Variants in AHNAK2 observed in about 807,000 individuals in gnomAD.
AHNAK2 encodes the protein protein AHNAK2.
AHNAK2 carries 18 observed loss-of-function variants against 30.7 expected under a neutral mutation model. The ratio of observed to expected loss-of-function variants is 0.59; its 90% CI spans 0.41 to 0.87. AHNAK2 has a LOEUF of 0.87. AHNAK2 is among the 40% of genes least tolerant of loss of function. AHNAK2 has a pLI of 0.00. For synonymous variants in AHNAK2, 3,590 were observed against 3,073.8 expected (o/e 1.17, Z -5.56); for missense variants, 8,604 against 7,373.0 (o/e 1.17, Z -6.11).
At position 104,952,741 on chromosome 14, in the gene AHNAK2, C is replaced by T; in HGVS notation, c.2710G>A (p.Gly904Ser). 1 of 1,612,782 alleles carries T rather than the reference C, an allele frequency of 6.2e-7. No homozygotes were observed. Among genetic ancestry groups the T allele is most frequent in the Non-Finnish European group, 8.5e-7 (1 of 1,179,648 alleles). ...AGQVDVKLPE[G>S]PVPEGAGPKV... The stretch of plus-strand genomic sequence containing the variant: ...GGGCCGGCTCCCTCGGGCACAGGGC[C>T]CTCCGGAAGTTTCACATCCACTTGG... Residue 904 changes from glycine (G) to serine (S), a missense_variant, in exon 7 of 7, where the codon GGC (glycine) becomes AGC (serine). Physicochemically the swap from Gly to Ser is moderately conservative, Grantham distance 56. Coordinates refer to ENST00000333244, the MANE Select transcript of AHNAK2 (RefSeq NM_138420.4).
chr14:104,959,584 C>T (rs1295214749), intron 1 of AHNAK2, among the ~76,000 whole-genome samples: 1 of 152,152 alleles, frequency 6.6e-6, no homozygotes, highest in Non-Finnish European at 1.5e-5. Context: ...CTGCAGTGAG[C>T]TGTGATTGCA....
chr14:104,955,580 G>A lies in AHNAK2; in HGVS notation c.369C>T (p.Ala123=). 1 of 1,613,688 alleles carries A rather than the reference G, an allele frequency of 6.2e-7. No individual in the cohort carries two copies. The highest frequency in any genetic ancestry group is 8.5e-7 in the Non-Finnish European group (1 of 1,179,816). Residue 123 remains alanine (A), a synonymous_variant, in exon 5 of 7, where the codon GCC becomes GCT. Transcript: ENST00000333244. The part of the protein sequence containing the change: ...VTLKTEVEAG[A]SGYSVTGGGD... Reference sequence around the variant, plus strand: ...CACCACCTGTGACACTGTAGCCACTGGCTCCTGCCTCCACCTCTGTCTTCA... The same window carrying A: ...CACCACCTGTGACACTGTAGCCACTAGCTCCTGCCTCCACCTCTGTCTTCA...
Position 104,953,224 on chromosome 14 carries a change from G to A in AHNAK2, c.2227C>T (p.Leu743Phe). The change falls in exon 7 of 7, where the codon CTT becomes TTT. Residue 743 changes from leucine (L) to phenylalanine (F), a missense_variant. By Grantham distance (22) the Leu-to-Phe change is conservative (BLOSUM62 0). Transcript: ENST00000333244. Reference sequence around the variant, plus strand: ...CCCTCGGGCAGGGGGCCCTCCGGAAGTTTCACATCCACTTGGCCATCCTGG... The same window carrying A: ...CCCTCGGGCAGGGGGCCCTCCGGAAATTTCACATCCACTTGGCCATCCTGG... ...EVQDGQVDVK[L>F]PEGPLPEGAS... 5 of 1,612,994 alleles carry A rather than the reference G, an allele frequency of 3.1e-6. No homozygotes were observed. The highest frequency in any genetic ancestry group is 4.2e-6 in the Non-Finnish European group (5 of 1,179,668).
intron 1 of AHNAK2, among the ~76,000 whole-genome samples, chr14:104,965,997 C>T (rs1049249998): frequency 6.6e-6 from 1 of 152,198 alleles, no homozygotes; most frequent in Admixed American, 6.5e-5. Context: ...TCTGCCTGCG[C>T]GGGCCCCTGC....
Position 104,948,529 on chromosome 14 carries a change from C to G in AHNAK2, c.6922G>C (p.Asp2308His). The G allele has an allele frequency of 6.2e-7, 1 of 1,611,002 alleles. No individual in the cohort carries two copies. Among genetic ancestry groups the G allele is most frequent in the Non-Finnish European group, 8.5e-7 (1 of 1,179,282 alleles). ...ARLEGDMSLA[D>H]KDVTAKDSKF... Reference sequence around the variant, plus strand: ...CTGTCTTTGGCAGTCACGTCCTTGTCGGCCAGGGACATGTCCCCCTCCAGC... The same window carrying G: ...CTGTCTTTGGCAGTCACGTCCTTGTGGGCCAGGGACATGTCCCCCTCCAGC... Residue 2308 changes from aspartate (D) to histidine (H), a missense_variant, in exon 7 of 7, where the codon GAC becomes CAC. Physicochemically the swap from Asp to His is moderately conservative, Grantham distance 81. Transcript: ENST00000333244.
chr14:104,941,478 A>C lies in AHNAK2; in HGVS notation c.13973T>G (p.Phe4658Cys). ...GGGAAATGTGGAAGTCTTCTCATGG[A>C]ATGTAACATTTCCTTCGATTTCAGA... ...SSSEIEGNVT[F>C]HEKTSTFPIV... The change falls in exon 7 of 7, where the codon TTC (phenylalanine) becomes TGC (cysteine). Residue 4658 changes from phenylalanine (F) to cysteine (C), a missense_variant. By Grantham distance (205) the Phe-to-Cys change is radical. Coordinates refer to ENST00000333244, the MANE Select transcript of AHNAK2 (RefSeq NM_138420.4). The C allele has an allele frequency of 6.2e-7, 1 of 1,612,880 alleles. No individual in the cohort carries two copies. Among genetic ancestry groups the C allele is most frequent in the Non-Finnish European group, 8.5e-7 (1 of 1,179,698 alleles).
chr14:104,949,813 G>A lies in AHNAK2; in HGVS notation c.5638C>T (p.Leu1880=), dbSNP rs550534577. The A allele has an allele frequency of 3.0e-4, 477 of 1,587,294 alleles. 47 individuals carry two copies. The South Asian group carries it at 4.9e-3, about 16-fold the overall frequency. Residue 1880 remains leucine, a synonymous_variant, in exon 7 of 7, where the codon CTG becomes TTG. Coordinates refer to ENST00000333244, the MANE Select transcript of AHNAK2 (RefSeq NM_138420.4). ...DLCIPLPSAD[L]VVQAGQVDMK... Reference sequence around the variant, plus strand: ...TCCACTTGGCCAGCCTGGACCACCAGGTCTGCAGAAGGGAGCGGAATGCAG... The same window carrying A: ...TCCACTTGGCCAGCCTGGACCACCAAGTCTGCAGAAGGGAGCGGAATGCAG...
intron 1 of AHNAK2, among the ~76,000 whole-genome samples, chr14:104,963,660 CTCT>C (rs1899214269): frequency 6.6e-6 from 1 of 151,948 alleles, no homozygotes; most frequent in Admixed American, 6.6e-5. Context: ...GAAACCCTGT[CTCT>C]TCTAAAAATA....
chr14:104,938,401 C>T lies in AHNAK2; in HGVS notation c.17050G>A (p.Glu5684Lys), dbSNP rs753177897. Residue 5684 changes from glutamate to lysine, a missense_variant, in exon 7 of 7, where the codon GAG (glutamate) becomes AAG (lysine). Glu to Lys is a moderately conservative substitution (Grantham distance 56, BLOSUM62 1). Transcript: ENST00000333244. ...PIQTQPEARP[E>K]AELPKKQEKA... ...TCCTGTTTTTTAGGCAGTTCTGCCT[C>T]TGGTCGTGCCTCAGGCTGTGTTTGA... The T allele has an allele frequency of 2.5e-6, 4 of 1,613,832 alleles. No homozygotes were observed. The African/African-American group carries it at 5.3e-5, about 22-fold the overall frequency.
At position 104,956,604 on chromosome 14, in the gene AHNAK2, C is replaced by G; in HGVS notation, c.299G>C (p.Arg100Thr). 1 of 1,613,938 alleles carries G rather than the reference C, an allele frequency of 6.2e-7. No homozygotes were observed. Among genetic ancestry groups the G allele is most frequent in the Non-Finnish European group, 8.5e-7 (1 of 1,179,866 alleles). The change falls in exon 4 of 7, where the codon AGG becomes ACG. Residue 100 changes from arginine to threonine, a missense_variant. Physicochemically the swap from Arg to Thr is moderately conservative, Grantham distance 71. Coordinates refer to ENST00000333244, the MANE Select transcript of AHNAK2 (RefSeq NM_138420.4). ...TGTACCCACCTCTGGACGACTCATCCTGAAAAATGTCCGTGAGTCCCCTGA... is the reference window on the plus strand; with the variant it reads ...TGTACCCACCTCTGGACGACTCATCGTGAAAAATGTCCGTGAGTCCCCTGA... ...RDSGDSRTFF[R>T]MSRPEAVQEA... is the part of the protein sequence containing the mutation.
Position 104,948,278 on chromosome 14 carries a change from C to A in AHNAK2, c.7173G>T (p.Val2391=), listed in dbSNP as rs757517026. The A allele has an allele frequency of 5.6e-6, 9 of 1,612,228 alleles. No individual in the cohort carries two copies. The African/African-American group carries it at 9.4e-5, about 17-fold the overall frequency. ...GCCCTTTGAGGCCGGCTCCCTCCGG[C>A]ACGGGGCCCTCTGGGAGTTTCACAT... ...QVDVKLPEGP[V]PEGAGLKGHL... The change falls in exon 7 of 7, where the codon GTG becomes GTT. Residue 2391 remains valine, a synonymous_variant. Transcript: ENST00000333244.
chr14:104,950,738 G>C lies in AHNAK2; in HGVS notation c.4713C>G (p.Gly1571=). Residue 1571 remains glycine (G), a synonymous_variant, in exon 7 of 7, where the codon GGC becomes GGG. Coordinates refer to ENST00000333244, the MANE Select transcript of AHNAK2 (RefSeq NM_138420.4). The stretch of plus-strand genomic sequence containing the variant: ...GCACTTTGGGCAGGTGCCCTTTGAG[G>C]CCGGCTCCCTCGGACACAGGGCCCT... ...LPEGPVSEGA[G]LKGHLPKVQM... The C allele has an allele frequency of 6.3e-7, 1 of 1,587,982 alleles. No homozygotes were observed. The highest frequency in any genetic ancestry group is 8.6e-7 in the Non-Finnish European group (1 of 1,162,940).
At position 104,950,056 on chromosome 14, in the gene AHNAK2, T is replaced by A; in HGVS notation, c.5395A>T (p.Lys1799Ter). 1 of 1,586,780 alleles carries A rather than the reference T, an allele frequency of 6.3e-7. No homozygotes were observed. Residue 1799 changes from lysine (K) to a stop codon, truncating the protein, a stop_gained, in exon 7 of 7, where the codon AAG (lysine) becomes TAG (stop). Transcript: ENST00000333244. LOFTEE classifies it low-confidence loss of function (END_TRUNC). Reference sequence around the variant, plus strand: ...CCCTCCAGCCGCACACTGTCCAGCTTGGCTCCTGGAGCCTCGACGTCCACC... The same window carrying A: ...CCCTCCAGCCGCACACTGTCCAGCTAGGCTCCTGGAGCCTCGACGTCCACC... ...VEVDVEAPGAKLDSVRLEGDL... is the reference protein window; with the variant it reads ...VEVDVEAPGA
rs2140840953 is a variant in AHNAK2, at chr14:104,947,174, G to A, written c.8277C>T (p.Asp2759=). ...PQIDVKGPNV[D]LKGPKAEVTA... Reference sequence around the variant, plus strand: ...TCACTTCCGCCTTGGGGCCTTTCAGGTCCACGTTGGGGCCCTTAACATCTA... The same window carrying A: ...TCACTTCCGCCTTGGGGCCTTTCAGATCCACGTTGGGGCCCTTAACATCTA... Residue 2759 remains aspartate (D), a synonymous_variant, in exon 7 of 7, where the codon GAC becomes GAT. Transcript: ENST00000333244. 1 of 1,612,006 alleles carries A rather than the reference G, an allele frequency of 6.2e-7. No homozygotes were observed. Among genetic ancestry groups the A allele is most frequent in the Admixed American group, 1.7e-5 (1 of 59,872 alleles).
chr14:104,950,671 G>A lies in AHNAK2; in HGVS notation c.4780C>T (p.Pro1594Ser), dbSNP rs767424609. Residue 1594 changes from proline to serine, a missense_variant, in exon 7 of 7, where the codon CCC (proline) becomes TCC (serine). Coordinates refer to ENST00000333244, the MANE Select transcript of AHNAK2 (RefSeq NM_138420.4). ...TTGGGGCCCTTAACATCTATCTGGGGCCCCTTGAGGTCCACTTTGGGCATC... is the reference window on the plus strand; with the variant it reads ...TTGGGGCCCTTAACATCTATCTGGGACCCCTTGAGGTCCACTTTGGGCATC... Reference protein sequence around the residue: ...FKMPKVDLKGPQIDVKGPKLD... With the variant: ...FKMPKVDLKGSQIDVKGPKLD... 2 of 1,586,938 alleles carry A rather than the reference G, an allele frequency of 1.3e-6. No homozygotes were observed. The highest frequency in any genetic ancestry group is 1.1e-5 in the South Asian group (1 of 89,786).
At chr14:104,970,431 G>A (rs1386565392) in intron 1 of AHNAK2, 4 of 985,342 alleles carry the variant, frequency 4.1e-6, no homozygotes, top group Admixed American at 6.1e-5. Context: ...GCAGGTGTCC[G>A]GACATGGACA....
chr14:104,949,479 G>A lies in AHNAK2; in HGVS notation c.5972C>T (p.Pro1991Leu), dbSNP rs762843943. ...CCCGAACGACGGCATCTTGAATTTGGGCATTTTGAACTTGCTGTCTTTGGC... is the reference window on the plus strand; with the variant it reads ...CCCGAACGACGGCATCTTGAATTTGAGCATTTTGAACTTGCTGTCTTTGGC... The part of the protein sequence containing the change: ...MTAKDSKFKM[P>L]KFKMPSFGVS... Residue 1991 changes from proline (P) to leucine (L), a missense_variant, in exon 7 of 7, where the codon CCC becomes CTC. By Grantham distance (98) the Pro-to-Leu change is moderately conservative. Coordinates refer to ENST00000333244, the MANE Select transcript of AHNAK2 (RefSeq NM_138420.4). The A allele has an allele frequency of 2.9e-5, 46 of 1,588,274 alleles. 1 individual carries two copies. The highest frequency in any genetic ancestry group is 1.7e-4 in the South Asian group (15 of 89,912).
Position 104,946,449 on chromosome 14 carries a change from A to T in AHNAK2, c.9002T>A (p.Val3001Glu), listed in dbSNP as rs770205828. 6.2e-7 allele frequency: 1 copy of T among 1,612,502 alleles called. No homozygotes were observed. The highest frequency in any genetic ancestry group is 8.5e-7 in the Non-Finnish European group (1 of 1,179,548). The change falls in exon 7 of 7, where the codon GTG (valine) becomes GAG (glutamate). Residue 3001 changes from valine (V) to glutamate (E), a missense_variant. Val to Glu is a moderately radical substitution (Grantham distance 121, BLOSUM62 -2). Coordinates refer to ENST00000333244, the MANE Select transcript of AHNAK2 (RefSeq NM_138420.4). ...SAPGKSIEVS[V>E]DVSAPKVEAE... ...CTCCACCTTCGGCGCAGACACATCCACCGAGACCTCAATGGACTTGCCTGG... is the reference window on the plus strand; with the variant it reads ...CTCCACCTTCGGCGCAGACACATCCTCCGAGACCTCAATGGACTTGCCTGG...
chr14:104,977,878 G>T (rs1387761838), intron 1 of AHNAK2, among the ~76,000 whole-genome samples: 1 of 152,202 alleles, frequency 6.6e-6, no homozygotes, highest in Non-Finnish European at 1.5e-5. Context: ...CAGGGACCGC[G>T]AGTGACAGAG....
Sources: allele counts gnomAD v4.1 joint callset (sites outside exome capture counted in the v4.1 genomes callset), GRCh38; gene constraint gnomAD v4.1.1; transcripts MANE v1.5; gene names NCBI Gene and HGNC (gene_info 2026-07-23, HGNC 2026-07-21).